The following ZNHIT1 variants were observed in gnomAD, a reference collection of about 807,000 sequenced individuals.
ZNHIT1 encodes the protein zinc finger HIT-type containing 1.
In ZNHIT1, 20 loss-of-function variants were observed where a neutral mutation model predicts 21.4. That is an observed-to-expected ratio of 0.93 (90% CI 0.66 to 1.36). The LOEUF (loss-of-function observed/expected upper bound fraction) is 1.36, where lower values mean the gene tolerates loss of function less well. Ranked by LOEUF, ZNHIT1 falls within the 40% of genes most tolerant of loss-of-function variation. The pLI, the probability that ZNHIT1 is intolerant of heterozygous loss-of-function variation, is 0.00. For missense variants in ZNHIT1, 170 were observed against 213.5 expected (o/e 0.80, Z 1.27); for synonymous variants, 79 against 84.0 (o/e 0.94, Z 0.32).
chr7:101,219,020 G>T (rs1247892650), intron 1 of ZNHIT1: 2 of 152,228 alleles, frequency 1.3e-5, no homozygotes, highest in East Asian at 1.9e-4. Context: ...AGAAAGGATC[G>T]AAGGCTGGGG....
intron 4 of ZNHIT1, 35 bp downstream of exon 4, chr7:101,223,877 T>G (rs1379840274): frequency 1.2e-6 from 2 of 1,613,880 alleles, no homozygotes; most frequent in African/African-American, 2.7e-5. Context: ...TCCCACTCCC[T>G]CCTTCCCACA....
rs1798415509 is a variant in ZNHIT1 at position 101,224,068 on chromosome 7, C to T, written c.*110C>T. On this transcript the variant is annotated 3_prime_UTR_variant, in exon 5 of 5. Coordinates refer to ENST00000305105, the MANE Select transcript of ZNHIT1 (RefSeq NM_006349.3). ...GCTCTTCCTGGACCAAGGGAGGAGC[C>T]GCTCATTCACCCAACAAAACTGTGT... The T allele has an allele frequency of 9.3e-6, 14 of 1,512,806 alleles. No homozygotes were observed. The highest frequency in any genetic ancestry group is 2.3e-5 in the East Asian group (1 of 44,394). 93.7% of individuals were successfully genotyped at this position (1,512,806 alleles called of 1,614,324 possible).
intron 3 of ZNHIT1, 46 bp downstream of exon 3, chr7:101,223,602 G>T (rs375361727): frequency 1.3e-5 from 21 of 1,613,928 alleles, no homozygotes; most frequent in Non-Finnish European, 1.6e-5. Context: ...GAAGGGGTGA[G>T]CCTGGCCCGG....
chr7:101,220,747 G>A (rs1451971585), intron 1 of ZNHIT1: 1 of 152,074 alleles, frequency 6.6e-6, no homozygotes, highest in Non-Finnish European at 1.5e-5. Context: ...AATGAGGAAA[G>A]AGGTTTTTTG....
At position 101,223,966 on chromosome 7, in the gene ZNHIT1, C is replaced by T. The variant is rs1049315749; in HGVS notation, c.*8C>T. The T allele has an allele frequency of 6.2e-7, 1 of 1,614,082 alleles. No homozygotes were observed. The highest frequency in any genetic ancestry group is 8.5e-7 in the Non-Finnish European group (1 of 1,180,042). On this transcript the variant is annotated 3_prime_UTR_variant, in exon 5 of 5. Coordinates refer to ENST00000305105, the MANE Select transcript of ZNHIT1 (RefSeq NM_006349.3). ...CTGAAGTGGACTGTGTGAGCCTGGG[C>T]ATTCCCAGAGAGGAAGGGCCGCTGT...
At chr7:101,223,624 C>T (rs749229409) in intron 3 of ZNHIT1, 49 bp from the exon 4 acceptor site, 17 of 1,613,234 alleles carry the variant, frequency 1.1e-5, no homozygotes, top group Non-Finnish European at 1.4e-5. Flanking sequence ...CAGGTGTTCG[C>T]TGCGTGGGTG....
At chr7:101,220,077 C>A (rs1312730924) in intron 1 of ZNHIT1, 1 of 144,266 alleles carries the variant, frequency 6.9e-6, no homozygotes, top group East Asian at 2.1e-4. Flanking sequence ...GTACAGTGAT[C>A]ATAATCATAT....
chr7:101,223,939 G>T lies in ZNHIT1; in HGVS notation c.446G>T (p.Cys149Phe). The T allele has an allele frequency of 1.2e-6, 2 of 1,614,186 alleles. No homozygotes were observed. The highest frequency in any genetic ancestry group is 2.7e-5 in the African/African-American group (2 of 75,042). ...CCTGGCTTCCCCTCTGTCTGCAGGT[G>T]TCTGAAGTGGACTGTGTGAGCCTGG... Reference protein sequence around the residue: ...RCLGTHQETRCLKWTV With the variant: ...RCLGTHQETRFLKWTV Residue 149 changes from cysteine (C) to phenylalanine (F), a missense_variant and splice_region_variant, in exon 5 of 5, where the codon TGT becomes TTT. Coordinates refer to ENST00000305105, the MANE Select transcript of ZNHIT1 (RefSeq NM_006349.3).
chr7:101,223,270 A>G (rs1798402289), intron 2 of ZNHIT1, among the ~76,000 whole-genome samples: 1 of 152,160 alleles, frequency 6.6e-6, no homozygotes, highest in South Asian at 2.1e-4. Flanking sequence ...CCAGCTACTC[A>G]GGAGGCCAAG....
rs745429987 is a variant in ZNHIT1, at chr7:101,223,702, C to T, written c.303C>T (p.Tyr101=). The part of the protein sequence containing the change: ...QNLSVAEGPN[Y]LTACAGPPSR... Reference sequence around the variant, plus strand: ...TGAGTGTGGCCGAGGGCCCTAACTACCTGACGGCCTGTGCGGGACCCCCAT... The same window carrying T: ...TGAGTGTGGCCGAGGGCCCTAACTATCTGACGGCCTGTGCGGGACCCCCAT... The change falls in exon 4 of 5, where the codon TAC becomes TAT. Residue 101 remains tyrosine, a synonymous_variant. Coordinates refer to ENST00000305105, the MANE Select transcript of ZNHIT1 (RefSeq NM_006349.3). 5 of 1,611,458 alleles carry T rather than the reference C, an allele frequency of 3.1e-6. No individual in the cohort carries two copies. The highest frequency in any genetic ancestry group is 4.2e-6 in the Non-Finnish European group (5 of 1,178,642).
chr7:101,224,190 A>C lies in ZNHIT1; in HGVS notation c.*232A>C. 1 of 633,052 alleles carries C rather than the reference A, an allele frequency of 1.6e-6. No individual in the cohort carries two copies. The highest frequency in any genetic ancestry group is 2.7e-6 in the Non-Finnish European group (1 of 368,294). 39.2% of individuals were successfully genotyped at this position (633,052 alleles called of 1,614,324 possible). On this transcript the variant is annotated 3_prime_UTR_variant, in exon 5 of 5. Transcript: ENST00000305105. ...TTAGAATAAAAAGCCTCGTGCCGGA[A>C]GCCTTCCTGTTTGGTCGTGGTGTGT...
Position 101,224,097 on chromosome 7 carries a change from A to T in ZNHIT1, c.*139A>T. On this transcript the variant is annotated 3_prime_UTR_variant, in exon 5 of 5. Coordinates refer to ENST00000305105, the MANE Select transcript of ZNHIT1 (RefSeq NM_006349.3). ...CATTCACCCAACAAAACTGTGTCTT[A>T]TCTGCCAGGAAAGACCAGCCTCACT... is the stretch of plus-strand genomic sequence containing the variant. The T allele has an allele frequency of 7.5e-7, 1 of 1,341,230 alleles. No homozygotes were observed. Among genetic ancestry groups the T allele is most frequent in the Non-Finnish European group, 1.0e-6 (1 of 961,538 alleles). The allele number at this position is 1,341,230 out of a possible 1,614,324, so 83.1% of individuals were successfully genotyped here.
chr7:101,221,942 G>A (rs1798377379), intron 1 of ZNHIT1: 1 of 152,082 alleles, frequency 6.6e-6, no homozygotes, highest in African/African-American at 2.4e-5. Flanking sequence ...TCAAGGAGAG[G>A]ATGGGAGGTG....
rs143194136 is a variant in ZNHIT1 at position 101,223,013 on chromosome 7, A to C, written c.193+239A>C. Among the ~76,000 whole-genome samples, 824 of 152,298 alleles carry C rather than the reference A, an allele frequency of 5.4e-3. 1 individual carries two copies. The highest frequency in any genetic ancestry group is 8.3e-3 in the Non-Finnish European group (564 of 68,016). ...CCTTAGGCTTGGGGGCATGGAGGTG[A>C]CTGTCAGCTGGGATTGGAGAATTGG... On this transcript the variant is annotated intron_variant, in intron 2 of 4. Transcript: ENST00000305105.
chr7:101,218,866 G>A (rs1798327733), intron 1 of ZNHIT1: 1 of 152,660 alleles, frequency 6.6e-6, no homozygotes, highest in African/African-American at 2.4e-5. Flanking sequence ...AAAGCTTGAA[G>A]GAAAAATGAA....
At chr7:101,223,065 G>A (rs1164251990) in intron 2 of ZNHIT1, among the ~76,000 whole-genome samples, 1 of 152,164 alleles carries the variant, frequency 6.6e-6, no homozygotes, top group African/African-American at 2.4e-5. Flanking sequence ...TGGTAGCGAG[G>A]GGCCGACTTA....
chr7:101,222,792 G>C lies in ZNHIT1; in HGVS notation c.193+18G>C. ...GGACACTGGTGAGGCGGATGGAGGA[G>C]GAAGCGGGGGATGGGACTGAGAGGA... On this transcript the variant is annotated intron_variant, in intron 2 of 4. Transcript: ENST00000305105. The C allele has an allele frequency of 6.2e-7, 1 of 1,610,254 alleles. No homozygotes were observed. The highest frequency in any genetic ancestry group is 8.5e-7 in the Non-Finnish European group (1 of 1,177,186).
At position 101,222,603 on chromosome 7, in the gene ZNHIT1, G is replaced by C. The variant is rs370761422; in HGVS notation, c.23-1G>C. The C allele has an allele frequency of 1.2e-6, 2 of 1,612,058 alleles. No individual in the cohort carries two copies. The highest frequency in any genetic ancestry group is 2.7e-5 in the African/African-American group (2 of 74,902). ...AACTTTGCGTGCCCTGCTCCATCCAGTTCGCTCCCAGGACCCCGGGCAGCG... is the reference window on the plus strand; with the variant it reads ...AACTTTGCGTGCCCTGCTCCATCCACTTCGCTCCCAGGACCCCGGGCAGCG... On this transcript the variant is annotated splice_acceptor_variant, in intron 1 of 4. Transcript: ENST00000305105. LOFTEE classifies it high-confidence loss of function.
At chr7:101,218,410 A>G (rs988114482) in intron 1 of ZNHIT1, 193 bp downstream of exon 1, 4 of 615,162 alleles carry the variant, frequency 6.5e-6, no homozygotes, top group African/African-American at 3.7e-5. Context: ...AGTGGCTGGA[A>G]CTGCAAGCAT....
Sources: gnomAD v4.1 joint callset for allele counts (sites outside exome capture counted in the v4.1 genomes callset) on GRCh38, gnomAD v4.1.1 for gene constraint, MANE v1.5 for transcripts, NCBI Gene and HGNC (gene_info 2026-07-23, HGNC 2026-07-21) for gene names.